Variants in CFAP47 observed in about 807,000 individuals in gnomAD.
The protein encoded by CFAP47 is cilia- and flagella-associated protein 47.
Under a neutral mutation model 148.1 loss-of-function variants are expected in CFAP47, and 29 were observed. The ratio of observed to expected loss-of-function variants is 0.20; its 90% CI spans 0.15 to 0.27. The LOEUF (loss-of-function observed/expected upper bound fraction) is 0.27. CFAP47 is among the 10% of genes least tolerant of loss of function. CFAP47 has a pLI of 1.00. For missense variants in CFAP47, 1,872 were observed against 1,697.5 expected (o/e 1.10, Z -1.81); for synonymous variants, 664 against 577.3 (o/e 1.15, Z -2.15).
intron 39 of CFAP47, 83 bp downstream of exon 39, chrX:36,160,852 T>C: frequency 9.6e-6 from 1 of 103,945 alleles, no homozygotes; most frequent in Non-Finnish European, 1.6e-5. Context: ...CTTTCTTTCT[T>C]TTTTTTTTTT....
At chrX:36,354,781 A>G (rs1941772971) in intron 60 of CFAP47, among the ~76,000 whole-genome samples, 2 of 110,830 alleles carry the variant, frequency 1.8e-5, no homozygotes, top group African/African-American at 6.6e-5. Context: ...CTTGCCAAAG[A>G]CCCTGTGCTT....
At position 36,073,183 on chromosome X, in the gene CFAP47, A is replaced by G. The variant is rs148572146; in HGVS notation, c.4510A>G (p.Thr1504Ala). 11 of 1,208,598 alleles carry G rather than the reference A, an allele frequency of 9.1e-6. No homozygotes were observed. The Middle Eastern group carries it at 6.9e-4, about 75-fold the overall frequency. Residue 1504 changes from threonine to alanine, a missense_variant, in exon 29 of 64, where the codon ACA (threonine) becomes GCA (alanine). Coordinates refer to ENST00000378653, the MANE Select transcript of CFAP47 (RefSeq NM_001304548.2). ...AAATTTGCACTTGGATGAAAGTGAA[A>G]CATCAGAGGAAGATCATGGGTCTCT... ...PENLHLDESE[T>A]SEEDHGSLEK...
chrX:36,181,690 A>G (rs1243321186), intron 40 of CFAP47, among the ~76,000 whole-genome samples: 4 of 112,321 alleles, frequency 3.6e-5, no homozygotes, highest in Middle Eastern at 4.6e-3. Context: ...ATTGATCCCA[A>G]ATAGAGCAGT....
chrX:36,075,201 TTTTA>T (rs34532797), intron 29 of CFAP47, among the ~76,000 whole-genome samples: 1,648 of 106,601 alleles, frequency 0.015, 15 homozygotes, highest in African/African-American at 0.026. Flanking sequence ...TATGTATTAT[TTTTA>T]TTTATTTATT....
At chrX:36,142,849 A>C (rs1302359664) in intron 35 of CFAP47, among the ~76,000 whole-genome samples, 3 of 110,186 alleles carry the variant, frequency 2.7e-5, no homozygotes, top group Admixed American at 9.8e-5. Context: ...GTGTTCTGCT[A>C]TTAGTACTCC....
In CFAP47 at chrX:35,976,699, A is replaced by C. The variant is rs1291262113; in HGVS notation, c.2713+786A>C. The stretch of plus-strand genomic sequence containing the variant: ...ATAATGATGATAATCTGTGATTCAG[A>C]ATGACATATTTTTCTAGTATGAATT... On this transcript the variant is annotated intron_variant, in intron 15 of 63. Transcript: ENST00000378653. Among the ~76,000 whole-genome samples the C allele has an allele frequency of 3.6e-5, 4 of 111,330 alleles. No homozygotes were observed. The East Asian group carries it at 1.1e-3, about 31-fold the overall frequency.
In CFAP47 at chrX:36,190,116, G is replaced by A. The variant is rs1446387588; in HGVS notation, c.6241G>A (p.Gly2081Arg). 8 of 296,791 alleles carry A rather than the reference G, an allele frequency of 2.7e-5. No individual in the cohort carries two copies. The highest frequency in any genetic ancestry group is 4.7e-5 in the Non-Finnish European group (8 of 170,150). 24.5% of individuals were successfully genotyped at this position (296,791 alleles called of 1,213,427 possible). Reference protein sequence around the residue: ...SMHTVHLGVKGTSSLELRFLP... With the variant: ...SMHTVHLGVKRTSSLELRFLP... ...GCATACTGTTCACCTGGGAGTGAAA[G>A]GAACTTCAAGCCTAGAGCTCCGCTT... The change falls in exon 42 of 64, where the codon GGA (glycine) becomes AGA (arginine). Residue 2081 changes from glycine (G) to arginine (R), a missense_variant. Gly to Arg is a moderately radical substitution (Grantham distance 125, BLOSUM62 -2). Coordinates refer to ENST00000378653, the MANE Select transcript of CFAP47 (RefSeq NM_001304548.2).
At chrX:36,058,849 T>A (rs1937573459) in intron 26 of CFAP47, among the ~76,000 whole-genome samples, 1 of 112,055 alleles carries the variant, frequency 8.9e-6, no homozygotes. Context: ...TTTCCTATGG[T>A]CATTTCATCA....
rs757386167 is a variant in CFAP47, at chrX:35,993,759, C to T, written c.3099+438C>T. ...GATAGTTGTCATTTCTGAGTTTTGA[C>T]GAACCTAGATAGCCACAGAGAAGAG... is the stretch of plus-strand genomic sequence containing the variant. On this transcript the variant is annotated intron_variant, in intron 18 of 63. Transcript: ENST00000378653. 6.3e-5 allele frequency among the ~76,000 whole-genome samples: 7 copies of T among 110,456 alleles called. No individual in the cohort carries two copies. In the East Asian group the frequency reaches 1.4e-3, roughly 22 times the overall value.
chrX:36,085,770 G>A lies in CFAP47; in HGVS notation c.4916+232G>A, dbSNP rs183174960. On this transcript the variant is annotated intron_variant, in intron 30 of 63. Transcript: ENST00000378653. ...ATATATAATGCTTAATAGCCAATAA[G>A]CATTTTATGATGTATTGGATTTTTA... 2.5e-4 allele frequency among the ~76,000 whole-genome samples: 27 copies of A among 108,379 alleles called. No individual in the cohort carries two copies. The East Asian group carries it at 7.2e-3, about 29-fold the overall frequency. 94.1% of individuals were successfully genotyped at this position (108,379 alleles called of 115,157 possible).
At chrX:36,063,322 A>G (rs5973568) in intron 26 of CFAP47, among the ~76,000 whole-genome samples, 27,832 of 110,758 alleles carry the variant, frequency 0.25, 4,773 homozygotes, top group African/African-American at 0.61. Context: ...TTATTAAAAT[A>G]TAGGCTATTG....
chrX:35,920,753 A>G (rs923956885), intron 1 of CFAP47, among the ~76,000 whole-genome samples: 15 of 112,133 alleles, frequency 1.3e-4, no homozygotes, highest in Non-Finnish European at 1.7e-4. Context: ...AATTTTTGAT[A>G]TAGGAAATGC....
chrX:36,279,235 G>A (rs1316283970), intron 49 of CFAP47, among the ~76,000 whole-genome samples: 7 of 110,859 alleles, frequency 6.3e-5, no homozygotes, highest in Non-Finnish European at 1.1e-4. Flanking sequence ...TTCCATATGC[G>A]TTTCATTTCA....
intron 48 of CFAP47, among the ~76,000 whole-genome samples, chrX:36,242,414 AATCCAATAAAATG>A (rs1459795510): frequency 4.5e-5 from 5 of 112,154 alleles, no homozygotes; most frequent in South Asian, 3.7e-4. Context: ...CAATGCAAGG[AATCCAATAAAATG>A]ATCCAATAAA....
intron 1 of CFAP47, among the ~76,000 whole-genome samples, chrX:35,923,855 ATATATATGTACATATATG>A (rs1935619545): frequency 9.8e-6 from 1 of 101,709 alleles, no homozygotes; most frequent in Non-Finnish European, 2.0e-5. Flanking sequence ...ATGTGTGTAT[ATATATATGTACATATATG>A]TATATATGTA....
intron 25 of CFAP47, among the ~76,000 whole-genome samples, chrX:36,039,617 G>T (rs1937379669): frequency 8.9e-6 from 1 of 111,983 alleles, no homozygotes; most frequent in Admixed American, 9.5e-5. Context: ...CAAGGTGTTG[G>T]CTGCAGTGGC....
intron 45 of CFAP47, 151 bp from the exon 46 acceptor site, chrX:36,228,477 C>T: frequency 2.3e-6 from 1 of 430,186 alleles, no homozygotes; most frequent in Non-Finnish European, 4.1e-6. Context: ...CATGGTAAGC[C>T]CTGGAGATTT....
chrX:36,138,576 C>T, intron 35 of CFAP47, 112 bp downstream of exon 35: 2 of 814,419 alleles, frequency 2.5e-6, no homozygotes, highest in Non-Finnish European at 3.3e-6. Flanking sequence ...TTGAAACAGG[C>T]TTTTGATGAG....
chrX:36,270,112 G>A (rs1176233372), intron 49 of CFAP47, among the ~76,000 whole-genome samples: 1 of 111,316 alleles, frequency 9.0e-6, no homozygotes, highest in African/African-American at 3.3e-5. Flanking sequence ...AAATATAGCT[G>A]CTATGAACAT....
Sources: gnomAD v4.1 joint callset for allele counts (sites outside exome capture counted in the v4.1 genomes callset) on GRCh38, gnomAD v4.1.1 for gene constraint, MANE v1.5 for transcripts, NCBI Gene and HGNC (gene_info 2026-07-23, HGNC 2026-07-21) for gene names.